The following SPATA6L variants were observed in gnomAD, a reference collection of about 807,000 sequenced individuals.
SPATA6L encodes spermatogenesis associated 6-like protein.
Under a neutral mutation model 49.2 loss-of-function variants are expected in SPATA6L, and 68 were observed. The observed-to-expected ratio is 1.38, with a 90% CI of 1.14 to 1.69. The LOEUF is 1.69. SPATA6L is among the 40% of genes most tolerant of loss of function. SPATA6L has a pLI of 0.00. For missense variants in SPATA6L, 668 were observed against 464.3 expected, an observed-to-expected ratio of 1.44 and a Z score of -4.03; for synonymous variants, 198 against 165.7, an observed-to-expected ratio of 1.19 and a Z score of -1.50.
intron 11 of SPATA6L, 112 bp downstream of exon 11, chr9:4,604,067 C>T: frequency 1.5e-6 from 1 of 678,672 alleles, no homozygotes; most frequent in South Asian, 2.0e-5. Context: ...CTCCAAGTCT[C>T]CTGTCCTCCA....
At chr9:4,629,651 T>G (rs34156572) in intron 4 of SPATA6L, among the ~76,000 whole-genome samples, 2,434 of 151,764 alleles carry the variant, frequency 0.016, 42 homozygotes, top group Non-Finnish European at 0.026. Flanking sequence ...TATCAGATAT[T>G]TATATTCATT....
chr9:4,661,225 T>A (rs1216483555), intron 2 of SPATA6L, among the ~76,000 whole-genome samples: 3 of 152,214 alleles, frequency 2.0e-5, no homozygotes, highest in Admixed American at 6.5e-5. Flanking sequence ...GGCAAAATCA[T>A]TAGACTTATT....
At position 4,605,416 on chromosome 9, in the gene SPATA6L, T is replaced by C. The variant is rs1370375302; in HGVS notation, c.1020A>G (p.Thr340=). 3 of 1,614,042 alleles carry C rather than the reference T, an allele frequency of 1.9e-6. No individual in the cohort carries two copies. Among genetic ancestry groups the C allele is most frequent in the Non-Finnish European group, 2.5e-6 (3 of 1,179,992 alleles). ...ATACCCTCTCATGGATATTCTTCCA[T>C]GTGGACTGAGAACCAGGATGGAACC... The part of the protein sequence containing the change: ...RERFHPGSQS[T]WKNIHERVCS... The change falls in exon 10 of 12, where the codon ACA becomes ACG. Residue 340 remains threonine (T), a synonymous_variant. Coordinates refer to ENST00000682582, the MANE Select transcript of SPATA6L (RefSeq NM_001353486.2).
At chr9:4,666,098 G>T in intron 1 of SPATA6L, 114 bp downstream of exon 1, 1 of 936,874 alleles carries the variant, frequency 1.1e-6, no homozygotes, top group Non-Finnish European at 1.8e-6. Context: ...TGTCCCAGAA[G>T]ATAATGATGT....
intron 13 of SPATA6L, among the ~76,000 whole-genome samples, chr9:4,590,018 G>C (rs888028321): frequency 6.6e-5 from 10 of 152,258 alleles, no homozygotes; most frequent in African/African-American, 2.4e-4. Context: ...CTGCCTCCTA[G>C]GTTCAAGTGA....
intron 5 of SPATA6L, chr9:4,627,950 A>C (rs930295645): frequency 1.9e-6 from 1 of 516,294 alleles, no homozygotes. Context: ...GTCTTGCAAC[A>C]ACGTGGATGG....
chr9:4,602,406 G>C (rs1586930663), intron 11 of SPATA6L, among the ~76,000 whole-genome samples: 2 of 152,050 alleles, frequency 1.3e-5, no homozygotes, highest in African/African-American at 4.8e-5. Flanking sequence ...CTCCAGAATG[G>C]GCCATTACTG....
At position 4,616,711 on chromosome 9, in the gene SPATA6L, G is replaced by A. The variant is rs1308383091; in HGVS notation, c.995+1212C>T. 5.9e-5 allele frequency among the ~76,000 whole-genome samples: 9 copies of A among 152,194 alleles called. No individual in the cohort carries two copies. In the East Asian group the frequency reaches 1.5e-3, roughly 26 times the overall value. On this transcript the variant is annotated intron_variant, in intron 9 of 11. Coordinates refer to ENST00000682582, the MANE Select transcript of SPATA6L (RefSeq NM_001353486.2). ...AGCAATTCTCCTGCCTCAGCCTCCC[G>A]AGTAGCTGGGATTACAGGCATGCGC...
At chr9:4,608,894 A>G (rs1303758810) in intron 9 of SPATA6L, among the ~76,000 whole-genome samples, 2 of 152,124 alleles carry the variant, frequency 1.3e-5, no homozygotes, top group Non-Finnish European at 2.9e-5. Context: ...TAGATAGACC[A>G]CTAGCAAGAC....
intron 3 of SPATA6L, among the ~76,000 whole-genome samples, chr9:4,648,147 T>C (rs1835862074): frequency 6.6e-6 from 1 of 152,130 alleles, no homozygotes; most frequent in Non-Finnish European, 1.5e-5. Context: ...GAAAACATGT[T>C]AAACAGACAA....
At chr9:4,652,461 A>T (rs1001807802) in intron 3 of SPATA6L, among the ~76,000 whole-genome samples, 2 of 152,220 alleles carry the variant, frequency 1.3e-5, no homozygotes, top group Admixed American at 6.5e-5. Flanking sequence ...TGAAATTTTT[A>T]AAAATTCCAC....
At chr9:4,661,365 T>C (rs953613832) in intron 2 of SPATA6L, among the ~76,000 whole-genome samples, 2 of 152,250 alleles carry the variant, frequency 1.3e-5, no homozygotes, top group African/African-American at 4.8e-5. Flanking sequence ...GTTTTGACTA[T>C]TTATATCACC....
chr9:4,639,066 C>A (rs576046923), intron 3 of SPATA6L, among the ~76,000 whole-genome samples: 11 of 152,270 alleles, frequency 7.2e-5, no homozygotes, highest in African/African-American at 2.2e-4. Flanking sequence ...AATGTAAAAA[C>A]TGTCATTGCA....
At chr9:4,607,099 G>T (rs959593169) in intron 9 of SPATA6L, among the ~76,000 whole-genome samples, 1 of 151,798 alleles carries the variant, frequency 6.6e-6, no homozygotes, top group South Asian at 2.1e-4. Context: ...AGAGAAAAAA[G>T]AATAAAAATA....
At position 4,665,438 on chromosome 9, in the gene SPATA6L, T is replaced by G. The variant is rs545427690; in HGVS notation, c.39+774A>C. On this transcript the variant is annotated intron_variant, in intron 1 of 11. Coordinates refer to ENST00000682582, the MANE Select transcript of SPATA6L (RefSeq NM_001353486.2). ...CAAAGTGGGACAAATCCAGGAAATG[T>G]TGATCACCTTTCACACCCACATGTA... is the stretch of plus-strand genomic sequence containing the variant. Among the ~76,000 whole-genome samples the G allele has an allele frequency of 7.2e-5, 11 of 152,342 alleles. No individual in the cohort carries two copies. In the East Asian group the frequency reaches 1.9e-3, roughly 27 times the overall value.
In SPATA6L at chr9:4,598,956, A is replaced by G. The variant is rs1464604207; in HGVS notation, c.*1855T>C. Among the ~76,000 whole-genome samples the G allele has an allele frequency of 6.6e-6, 1 of 152,268 alleles. No individual in the cohort carries two copies. On this transcript the variant is annotated 3_prime_UTR_variant, in exon 12 of 12. Coordinates refer to ENST00000682582, the MANE Select transcript of SPATA6L (RefSeq NM_001353486.2). ...TTATCTTCAGTGCTTGGGACTGACC[A>G]GAAGTATTTTAAACTTGGGTTTTGG...
chr9:4,616,782 T>C (rs978193948), intron 9 of SPATA6L, among the ~76,000 whole-genome samples: 1 of 152,096 alleles, frequency 6.6e-6, no homozygotes, highest in African/African-American at 2.4e-5. Flanking sequence ...ACAGGGTTTC[T>C]CCATGTTGGT....
Position 4,662,499 on chromosome 9 carries a change from T to C in SPATA6L, c.40-463A>G. ...CGGCGGCAGCAGGTTTGAGTTCCAG[T>C]CCCTGCTCAGCAGCCGCGCCACGGC... On this transcript the variant is annotated intron_variant, in intron 1 of 11. Coordinates refer to ENST00000682582, the MANE Select transcript of SPATA6L (RefSeq NM_001353486.2). The surrounding 1 kb of genome is among the most constrained non-coding windows in gnomAD (Gnocchi z 4.9). 1.3e-6 allele frequency: 2 copies of C among 1,559,670 alleles called. No individual in the cohort carries two copies. Among genetic ancestry groups the C allele is most frequent in the Non-Finnish European group, 1.7e-6 (2 of 1,162,196 alleles).
Position 4,662,951 on chromosome 9 carries a change from G to A in SPATA6L, c.40-915C>T, listed in dbSNP as rs1336294750. 1.2e-6 allele frequency: 2 copies of A among 1,612,094 alleles called. No homozygotes were observed. The highest frequency in any genetic ancestry group is 1.7e-6 in the Non-Finnish European group (2 of 1,179,932). ...AAGGGCTGGTCCGCAGGCGCCGCCC[G>A]GCCCACAACCAGATGGACATGTTTG... On this transcript the variant is annotated intron_variant, in intron 1 of 11. Coordinates refer to ENST00000682582, the MANE Select transcript of SPATA6L (RefSeq NM_001353486.2). This position sits in a 1 kb window ranked among gnomAD's most constrained non-coding sequence, Gnocchi z 4.9.
Sources: allele counts gnomAD v4.1 joint callset (sites outside exome capture counted in the v4.1 genomes callset), GRCh38; gene constraint gnomAD v4.1.1; non-coding constraint Gnocchi (gnomAD v3.1); transcripts MANE v1.5; gene names NCBI Gene and HGNC (gene_info 2026-07-23, HGNC 2026-07-21).